The following CELF2 variants were observed in gnomAD, a reference collection of about 807,000 sequenced individuals.
CELF2 encodes CUGBP Elav-like family member 2, also known as CUG triplet repeat RNA-binding protein 2.
In CELF2, 8 loss-of-function variants were observed where a neutral mutation model predicts 62.6. The ratio of observed to expected loss-of-function variants is 0.13; its 90% CI spans 0.07 to 0.23. The LOEUF (loss-of-function observed/expected upper bound fraction) is 0.23, where lower values mean the gene tolerates loss of function less well. Among genes scored for constraint, CELF2 ranks in the 10% least tolerant of loss-of-function variants. CELF2 has a pLI of 1.00. For missense variants in CELF2, 333 were observed against 671.0 expected (o/e 0.50, Z 5.56); for synonymous variants, 258 against 250.0 (o/e 1.03, Z -0.30).
intron 1 of CELF2, among the ~76,000 whole-genome samples, chr10:11,040,371 TAAC>T (rs1191217170): frequency 6.6e-6 from 1 of 152,222 alleles, no homozygotes; most frequent in Admixed American, 6.5e-5. Context: ...TCTGCTATAA[TAAC>T]ATCTTCACAG....
chr10:11,132,755 C>T lies in CELF2; in HGVS notation c.75-32731C>T, dbSNP rs553166582. Among the ~76,000 whole-genome samples, 8 of 152,282 alleles carry T rather than the reference C, an allele frequency of 5.3e-5. No individual in the cohort carries two copies. The South Asian group carries it at 8.3e-4, about 16-fold the overall frequency. On this transcript the variant is annotated intron_variant, in intron 1 of 12. Coordinates refer to ENST00000633077, the MANE Select transcript of CELF2 (RefSeq NM_001326342.2). ...AGTGACACAGTGTTACATAATCACA[C>T]GTCCAAAGGGTATCATAGAAAGCAA...
the CELF2 span, among the ~76,000 whole-genome samples, chr10:10,717,793 G>A: frequency 2.6e-5 from 4 of 152,054 alleles, no homozygotes; most frequent in African/African-American, 9.7e-5. Context: ...TATTCTGCCC[G>A]GAATACTTCT....
rs1385362203 is a variant in CELF2, at chr10:11,302,845, C to G, written c.977-11294C>G. Among the ~76,000 whole-genome samples, 1 of 152,182 alleles carries G rather than the reference C, an allele frequency of 6.6e-6. No individual in the cohort carries two copies. Among genetic ancestry groups the G allele is most frequent in the Admixed American group, 6.5e-5 (1 of 15,286 alleles). The stretch of plus-strand genomic sequence containing the variant: ...GGACAGTGGAAGTTGGAGCCTTCAC[C>G]AGAGTTCTGCCTGGAAGCATTAGAA... On this transcript the variant is annotated intron_variant, in intron 9 of 12. Transcript: ENST00000633077. This position sits in a 1 kb window ranked among gnomAD's most constrained non-coding sequence, Gnocchi z 5.0.
chr10:10,796,824 T>C, upstream of CELF2: 1 of 892,190 alleles, frequency 1.1e-6, no homozygotes, highest in African/African-American at 1.8e-5. Flanking sequence ...ATGATTACGC[T>C]GTGGTCTGAG....
the CELF2 span, among the ~76,000 whole-genome samples, chr10:10,647,821 A>G: frequency 1.3e-5 from 2 of 152,210 alleles, no homozygotes; most frequent in Non-Finnish European, 2.9e-5. Context: ...GCTATTCCAA[A>G]AAGATTCCAT....
the CELF2 span, among the ~76,000 whole-genome samples, chr10:10,639,999 G>A: frequency 6.6e-6 from 1 of 152,160 alleles, no homozygotes; most frequent in African/African-American, 2.4e-5. Flanking sequence ...AATACTACCT[G>A]TTGACAAAAG....
chr10:11,042,762 T>C (rs1165224667), intron 1 of CELF2, among the ~76,000 whole-genome samples: 1 of 152,200 alleles, frequency 6.6e-6, no homozygotes, highest in African/African-American at 2.4e-5. Flanking sequence ...GCCTGTTACA[T>C]GTACATTTCA....
At chr10:10,837,843 A>T (rs569386676) in intron 1 of CELF2, among the ~76,000 whole-genome samples, 1 of 152,166 alleles carries the variant, frequency 6.6e-6, no homozygotes, top group African/African-American at 2.4e-5. Context: ...TTAGTTATAG[A>T]TTTACAGAAA....
intron 9 of CELF2, among the ~76,000 whole-genome samples, chr10:11,310,924 G>A (rs549882847): frequency 1.3e-5 from 2 of 152,214 alleles, no homozygotes; most frequent in African/African-American, 4.8e-5. Context: ...AGTGAAAGAG[G>A]AAACTCAGAG....
intron 1 of CELF2, among the ~76,000 whole-genome samples, chr10:11,053,560 A>T (rs1460100530): frequency 6.9e-6 from 1 of 144,718 alleles, no homozygotes; most frequent in African/African-American, 2.6e-5. Context: ...AGAAACACAC[A>T]TTTTTTAAAA....
the CELF2 span, among the ~76,000 whole-genome samples, chr10:10,741,857 T>G: frequency 6.6e-6 from 1 of 152,232 alleles, no homozygotes; most frequent in Non-Finnish European, 1.5e-5. Flanking sequence ...CCTCTAATTT[T>G]ATAATCCATT....
At position 11,214,258 on chromosome 10, in the gene CELF2, G is replaced by T. The variant is rs1337525861; in HGVS notation, c.272-3167G>T. ...GATCACACCACTGCATTCCAGCCAG[G>T]ACAACAGAGTGACATCCTGTCTCAA... On this transcript the variant is annotated intron_variant, in intron 2 of 12. Coordinates refer to ENST00000633077, the MANE Select transcript of CELF2 (RefSeq NM_001326342.2). This position sits in a 1 kb window ranked among gnomAD's most constrained non-coding sequence, Gnocchi z 4.2. Among the ~76,000 whole-genome samples, 2 of 152,212 alleles carry T rather than the reference G, an allele frequency of 1.3e-5. No homozygotes were observed. Among genetic ancestry groups the T allele is most frequent in the Non-Finnish European group, 2.9e-5 (2 of 68,046 alleles).
rs77082683 is a variant in CELF2, at chr10:11,246,992, G to T, written c.355-2161G>T. 6.6e-6 allele frequency among the ~76,000 whole-genome samples: 1 copy of T among 152,088 alleles called. No homozygotes were observed. The highest frequency in any genetic ancestry group is 2.4e-5 in the African/African-American group (1 of 41,396). On this transcript the variant is annotated intron_variant, in intron 3 of 12. Coordinates refer to ENST00000633077, the MANE Select transcript of CELF2 (RefSeq NM_001326342.2). This position sits in a 1 kb window ranked among gnomAD's most constrained non-coding sequence, Gnocchi z 4.6. Reference sequence around the variant, plus strand: ...GCAGTCATCCCACAGTCACCTGGTTGTACAGACCTGGAGTTCCCCTTCTCC... The same window carrying T: ...GCAGTCATCCCACAGTCACCTGGTTTTACAGACCTGGAGTTCCCCTTCTCC...
rs2082963243 is a variant in CELF2 at position 11,269,022 on chromosome 10, A to C, written c.619-1644A>C. Among the ~76,000 whole-genome samples the C allele has an allele frequency of 6.6e-6, 1 of 152,174 alleles. No homozygotes were observed. Among genetic ancestry groups the C allele is most frequent in the Admixed American group, 6.5e-5 (1 of 15,282 alleles). ...GCTTTTATATCATTTTTACTATTTA[A>C]GGAAGAAAAAAATAGATGTTCTGTT... On this transcript the variant is annotated intron_variant, in intron 6 of 12. Coordinates refer to ENST00000633077, the MANE Select transcript of CELF2 (RefSeq NM_001326342.2). This position sits in a 1 kb window ranked among gnomAD's most constrained non-coding sequence, Gnocchi z 4.4.
the CELF2 span, among the ~76,000 whole-genome samples, chr10:10,582,196 C>G: frequency 1.3e-4 from 20 of 152,234 alleles, 1 homozygote; most frequent in Non-Finnish European, 1.8e-4. Context: ...TATACTGGCC[C>G]GCACTTGTGA....
chr10:10,920,133 C>T (rs10905865), intron 2 of CELF2: 153,031 of 504,504 alleles, frequency 0.3, 26,552 homozygotes, highest in East Asian at 0.7. Flanking sequence ...CATACATCAC[C>T]ATGTAAATGC....
intron 3 of CELF2, among the ~76,000 whole-genome samples, chr10:11,219,817 G>C (rs995856353): frequency 6.6e-6 from 1 of 152,122 alleles, no homozygotes; most frequent in Non-Finnish European, 1.5e-5. Flanking sequence ...GGTGCCTTGC[G>C]GTTTGATTAC....
chr10:11,235,923 C>T (rs983858759), intron 3 of CELF2, among the ~76,000 whole-genome samples: 1 of 152,130 alleles, frequency 6.6e-6, no homozygotes, highest in Non-Finnish European at 1.5e-5. Flanking sequence ...TTCATTCACT[C>T]AGTACAACTC....
intron 2 of CELF2, among the ~76,000 whole-genome samples, chr10:11,212,533 G>A (rs1255861573): frequency 6.6e-6 from 1 of 152,170 alleles, no homozygotes; most frequent in African/African-American, 2.4e-5. Flanking sequence ...CAGTCTTTTT[G>A]TAGTCAACAG....
Sources: gnomAD v4.1 joint callset for allele counts (sites outside exome capture counted in the v4.1 genomes callset) on GRCh38, gnomAD v4.1.1 for gene constraint, Gnocchi (gnomAD v3.1) non-coding constraint, MANE v1.5 for transcripts, NCBI Gene and HGNC (gene_info 2026-07-23, HGNC 2026-07-21) for gene names.